AFG2A: variants seen among roughly 807,000 people sequenced by gnomAD.
AFG2A encodes the protein AAA ATPase AFG2A, also known as ATPase family gene 2 protein homolog A.
the AFG2A span, among the ~76,000 whole-genome samples, chr4:123,215,270 A>G: frequency 6.6e-6 from 1 of 152,078 alleles, no homozygotes; most frequent in Non-Finnish European, 1.5e-5. Context: ...TCCATTAAAT[A>G]TTTTTATCCC....
the AFG2A span, among the ~76,000 whole-genome samples, chr4:123,051,457 C>T: frequency 6.6e-6 from 1 of 151,966 alleles, no homozygotes; most frequent in Non-Finnish European, 1.5e-5. Context: ...TGCCTCTTAA[C>T]AAATTGTACT....
At chr4:122,991,641 T>G in the AFG2A span, among the ~76,000 whole-genome samples, 1 of 152,230 alleles carries the variant, frequency 6.6e-6, no homozygotes, top group Admixed American at 6.5e-5. Flanking sequence ...TTTGTAAATT[T>G]AGGCTGAGAA....
chr4:123,047,425 T>A, the AFG2A span, among the ~76,000 whole-genome samples: 2 of 152,162 alleles, frequency 1.3e-5, no homozygotes, highest in Admixed American at 1.3e-4. Flanking sequence ...TTATATTTGC[T>A]ACTGAGTTGT....
the AFG2A span, among the ~76,000 whole-genome samples, chr4:123,083,462 A>C: frequency 1.3e-5 from 2 of 152,116 alleles, no homozygotes; most frequent in Admixed American, 1.3e-4. Context: ...ATAATGTTAC[A>C]TCAGTTGTAA....
the AFG2A span, among the ~76,000 whole-genome samples, chr4:123,157,563 C>G: frequency 1.3e-5 from 2 of 151,928 alleles, no homozygotes; most frequent in African/African-American, 2.4e-5. Context: ...AAAGTAGTCT[C>G]AAAAAAAAAT....
the AFG2A span, among the ~76,000 whole-genome samples, chr4:123,207,285 CTT>C: frequency 7.4e-5 from 8 of 108,468 alleles, no homozygotes; most frequent in South Asian, 3.1e-4. Flanking sequence ...GTTGTGTTTC[CTT>C]TTTTTTTTTT....
At chr4:123,029,057 C>T in the AFG2A span, among the ~76,000 whole-genome samples, 1 of 152,122 alleles carries the variant, frequency 6.6e-6, no homozygotes, top group Non-Finnish European at 1.5e-5. Flanking sequence ...AAAATATATA[C>T]CTAAATAGAT....
the AFG2A span, among the ~76,000 whole-genome samples, chr4:122,934,915 T>C: frequency 6.6e-6 from 1 of 152,228 alleles, no homozygotes; most frequent in Non-Finnish European, 1.5e-5. Flanking sequence ...TTGCTATGCT[T>C]TGGTATTTTT....
At chr4:123,145,775 T>G in the AFG2A span, among the ~76,000 whole-genome samples, 4 of 152,120 alleles carry the variant, frequency 2.6e-5, no homozygotes, top group African/African-American at 9.6e-5. Flanking sequence ...TTTTGGTATA[T>G]TGGTTAAAGA....
chr4:123,113,062 T>A, the AFG2A span, among the ~76,000 whole-genome samples: 7 of 152,240 alleles, frequency 4.6e-5, no homozygotes, highest in African/African-American at 1.4e-4. Context: ...TTGATGAGTA[T>A]CATTGGCTTT....
At chr4:123,216,070 A>C in the AFG2A span, among the ~76,000 whole-genome samples, 2 of 152,158 alleles carry the variant, frequency 1.3e-5, no homozygotes, top group Non-Finnish European at 2.9e-5. Context: ...CTGAATCTAA[A>C]ATTGGTAATT....
At chr4:122,984,007 C>G in the AFG2A span, among the ~76,000 whole-genome samples, 2 of 152,184 alleles carry the variant, frequency 1.3e-5, no homozygotes, top group Non-Finnish European at 2.9e-5. Flanking sequence ...AGACCTTCTT[C>G]TGACAGAGCC....
the AFG2A span, chr4:122,927,868 T>C: frequency 2.1e-6 from 3 of 1,406,866 alleles, no homozygotes; most frequent in Non-Finnish European, 2.9e-6. Context: ...AAGGAAATGC[T>C]CATTGGAACA....
the AFG2A span, among the ~76,000 whole-genome samples, chr4:123,067,873 C>T: frequency 6.6e-6 from 1 of 152,112 alleles, no homozygotes; most frequent in Non-Finnish European, 1.5e-5. Flanking sequence ...ACAAAAGCAG[C>T]ATGGAAAATA....
the AFG2A span, among the ~76,000 whole-genome samples, chr4:122,957,990 T>A: frequency 6.6e-6 from 1 of 152,212 alleles, no homozygotes; most frequent in Non-Finnish European, 1.5e-5. Flanking sequence ...CTATACACCC[T>A]TGATAAAGGA....
the AFG2A span, among the ~76,000 whole-genome samples, chr4:123,131,694 G>A: frequency 1.3e-5 from 2 of 152,062 alleles, no homozygotes; most frequent in African/African-American, 4.8e-5. Flanking sequence ...TTTATTATAT[G>A]TATATACCAC....
At chr4:123,005,045 G>C in the AFG2A span, among the ~76,000 whole-genome samples, 1 of 152,164 alleles carries the variant, frequency 6.6e-6, no homozygotes, top group Non-Finnish European at 1.5e-5. Context: ...TGTTGGATCA[G>C]TGGTATGTCC....
the AFG2A span, among the ~76,000 whole-genome samples, chr4:123,041,487 A>G: frequency 4.0e-5 from 6 of 151,504 alleles, no homozygotes; most frequent in African/African-American, 1.5e-4. Context: ...GACTATGTAT[A>G]ATCTATTACT....
chr4:123,198,268 C>T, the AFG2A span, among the ~76,000 whole-genome samples: 810 of 140,530 alleles, frequency 5.8e-3, 4 homozygotes, highest in Middle Eastern at 0.03. Context: ...CACTCCGTCT[C>T]AAAAAAAAAA....
Sources: allele counts gnomAD v4.1 joint callset (sites outside exome capture counted in the v4.1 genomes callset), GRCh38; gene constraint gnomAD v4.1.1; transcripts MANE v1.5; gene names NCBI Gene and HGNC (gene_info 2026-07-23, HGNC 2026-07-21).